SLC39A10: variants seen among roughly 807,000 people sequenced by gnomAD.
SLC39A10 encodes the protein solute carrier family 39 member 10, also known as zinc transporter ZIP10.
In SLC39A10, 13 loss-of-function variants were observed where a neutral mutation model predicts 65.1. That is an observed-to-expected ratio of 0.20 (90% CI 0.13 to 0.32). The LOEUF is 0.32. SLC39A10 is among the 10% of genes least tolerant of loss of function. SLC39A10 has a pLI of 1.00. For synonymous variants in SLC39A10, 321 were observed against 342.2 expected, an observed-to-expected ratio of 0.94 and a Z score of 0.68; for missense variants, 831 against 1,018.4, an observed-to-expected ratio of 0.82 and a Z score of 2.50.
chr2:195,673,805 A>G (rs1689971689), intron 1 of SLC39A10, among the ~76,000 whole-genome samples: 1 of 152,238 alleles, frequency 6.6e-6, no homozygotes, highest in Non-Finnish European at 1.5e-5. Context: ...GATTTATAGA[A>G]AAGTACACAG....
intron 1 of SLC39A10, among the ~76,000 whole-genome samples, chr2:195,677,543 CA>C (rs58681043): frequency 6.6e-5 from 10 of 150,960 alleles, no homozygotes; most frequent in African/African-American, 2.4e-4. Flanking sequence ...CAAAAACAAA[CA>C]AAAAAAAATC....
At chr2:195,619,821 T>C (rs1688312797) in intron 2 of SLC39A10, among the ~76,000 whole-genome samples, 2 of 152,344 alleles carry the variant, frequency 1.3e-5, no homozygotes, top group South Asian at 4.1e-4. Context: ...TAATTTAGTA[T>C]TAGCCTCCGC....
At chr2:195,673,891 C>T (rs1178989319) in intron 1 of SLC39A10, among the ~76,000 whole-genome samples, 1 of 152,070 alleles carries the variant, frequency 6.6e-6, no homozygotes, top group Non-Finnish European at 1.5e-5. Flanking sequence ...GCATTAGATC[C>T]CTTTCCCTTT....
At chr2:195,703,143 C>G (rs907316047) in intron 3 of SLC39A10, among the ~76,000 whole-genome samples, 1 of 152,266 alleles carries the variant, frequency 6.6e-6, no homozygotes, top group East Asian at 1.9e-4. Flanking sequence ...GAAATACCCC[C>G]TATCTCATAG....
intron 4 of SLC39A10, 80 bp from the exon 5 acceptor site, chr2:195,708,576 G>A: frequency 1.1e-5 from 12 of 1,065,904 alleles, no homozygotes; most frequent in Non-Finnish European, 1.4e-5. Context: ...TCATTTAGGA[G>A]ATTATAATTA....
intron 1 of SLC39A10, among the ~76,000 whole-genome samples, chr2:195,663,097 C>T (rs1386757060): frequency 6.6e-6 from 1 of 152,188 alleles, no homozygotes; most frequent in Non-Finnish European, 1.5e-5. Flanking sequence ...ATGTAGCTCT[C>T]TCACAGTTTA....
At chr2:195,626,791 T>C (rs1033218) in intron 2 of SLC39A10, among the ~76,000 whole-genome samples, 44,856 of 151,992 alleles carry the variant, frequency 0.3, 8,384 homozygotes, top group East Asian at 0.66. Flanking sequence ...GGTAAAATAT[T>C]ATCAATGGGT....
At chr2:195,657,307 A>G (rs1012816877) in intron 1 of SLC39A10, 26 bp downstream of exon 1, 1 of 850,026 alleles carries the variant, frequency 1.2e-6, no homozygotes, top group Non-Finnish European at 1.4e-6. Flanking sequence ...CGATTTGTTT[A>G]CATTCCCTCC....
At chr2:195,619,512 A>T (rs886524777) in intron 2 of SLC39A10, among the ~76,000 whole-genome samples, 4 of 152,178 alleles carry the variant, frequency 2.6e-5, no homozygotes, top group African/African-American at 9.7e-5. Flanking sequence ...CATTTGCCTA[A>T]CACAGGGCTG....
At chr2:195,708,212 TAAAAG>T (rs1691477249) in intron 4 of SLC39A10, among the ~76,000 whole-genome samples, 1 of 152,152 alleles carries the variant, frequency 6.6e-6, no homozygotes, top group Non-Finnish European at 1.5e-5. Context: ...AAATAAAAGT[TAAAAG>T]AAAAAATATA....
intron 3 of SLC39A10, among the ~76,000 whole-genome samples, chr2:195,696,977 C>T (rs79847737): frequency 0.013 from 1,972 of 152,074 alleles, 62 homozygotes; most frequent in Admixed American, 0.07. Flanking sequence ...ATTTTCTATT[C>T]GTTATTCATA....
intron 6 of SLC39A10, among the ~76,000 whole-genome samples, chr2:195,716,088 G>A (rs1691796644): frequency 6.6e-6 from 1 of 152,122 alleles, no homozygotes; most frequent in African/African-American, 2.4e-5. Context: ...TAGCTTTTTG[G>A]GTTCTGGCTT....
chr2:195,684,496 C>G (rs1239885651), intron 3 of SLC39A10, among the ~76,000 whole-genome samples: 1 of 152,076 alleles, frequency 6.6e-6, no homozygotes, highest in Non-Finnish European at 1.5e-5. Flanking sequence ...TTCACAGGTA[C>G]CTCCCACTTA....
At chr2:195,633,134 A>AT (rs1688623367) in intron 2 of SLC39A10, among the ~76,000 whole-genome samples, 1 of 152,198 alleles carries the variant, frequency 6.6e-6, no homozygotes. Flanking sequence ...TGATGTAATC[A>AT]TTTTGTCTTC....
chr2:195,702,114 A>G lies in SLC39A10; in HGVS notation c.1217-4502A>G, dbSNP rs1691216394. Among the ~76,000 whole-genome samples the G allele has an allele frequency of 5.9e-5, 9 of 152,302 alleles. 1 individual carries two copies. In the South Asian group the frequency reaches 1.9e-3, roughly 32 times the overall value. On this transcript the variant is annotated intron_variant, in intron 3 of 9. Coordinates refer to ENST00000359634, the MANE Select transcript of SLC39A10 (RefSeq NM_020342.3). ...CTGGCTCCCAAAAGAGAAAAAAAGA[A>G]GGGAGGAAAAAGAGGTGCTGGCCTT... is the stretch of plus-strand genomic sequence containing the variant.
intron 2 of SLC39A10, among the ~76,000 whole-genome samples, chr2:195,640,822 G>A (rs893546695): frequency 6.6e-6 from 1 of 151,952 alleles, no homozygotes; most frequent in African/African-American, 2.4e-5. Context: ...TTTAACTGGG[G>A]GCAAAAAAAG....
intron 2 of SLC39A10, among the ~76,000 whole-genome samples, chr2:195,646,317 C>T (rs1016751947): frequency 1.3e-5 from 2 of 152,156 alleles, no homozygotes; most frequent in African/African-American, 4.8e-5. Context: ...CTTCTTGAAA[C>T]TTCTGCAGTT....
intron 2 of SLC39A10, among the ~76,000 whole-genome samples, chr2:195,618,511 T>C (rs1332576152): frequency 9.9e-5 from 15 of 152,234 alleles, no homozygotes; most frequent in African/African-American, 3.6e-4. Flanking sequence ...TATAGCTAGA[T>C]GGATAGCTAA....
At chr2:195,652,872 A>G (rs1474234502), upstream of SLC39A10, among the ~76,000 whole-genome samples, 1 of 152,192 alleles carries the variant, frequency 6.6e-6, no homozygotes, top group Non-Finnish European at 1.5e-5. Flanking sequence ...ACCTCCTGTC[A>G]GATCAATGGT....
Sources: gnomAD v4.1 joint callset for allele counts (sites outside exome capture counted in the v4.1 genomes callset) on GRCh38, gnomAD v4.1.1 for gene constraint, MANE v1.5 for transcripts, NCBI Gene and HGNC (gene_info 2026-07-23, HGNC 2026-07-21) for gene names.